Variants in GRK2 observed in about 807,000 individuals in gnomAD.
GRK2 encodes the protein adrenergic beta receptor kinase 1.
In GRK2, 23 loss-of-function variants were observed where a neutral mutation model predicts 97.8. The ratio of observed to expected loss-of-function variants is 0.24; its 90% CI spans 0.17 to 0.33. GRK2 has a LOEUF of 0.33. GRK2 is among the 10% of genes least tolerant of loss of function. The pLI is 1.00. For synonymous variants in GRK2, 425 were observed against 381.7 expected (o/e 1.11, Z -1.32); for missense variants, 633 against 956.9 (o/e 0.66, Z 4.47).
At chr11:67,280,164 C>T in intron 6 of GRK2, 1 of 537,316 alleles carries the variant, frequency 1.9e-6, no homozygotes, top group South Asian at 2.1e-5. Flanking sequence ...GCTGTGCCAC[C>T]TGTGCCTCTT....
intron 1 of GRK2, among the ~76,000 whole-genome samples, chr11:67,271,767 C>T (rs1016041004): frequency 6.6e-6 from 1 of 152,242 alleles, no homozygotes; most frequent in Admixed American, 6.5e-5. Context: ...TACCTTGGAC[C>T]TGCCGGTTTG....
chr11:67,269,613 A>G lies in GRK2; in HGVS notation c.113+2801A>G, dbSNP rs1238266698. Among the ~76,000 whole-genome samples, 1 of 152,108 alleles carries G rather than the reference A, an allele frequency of 6.6e-6. No homozygotes were observed. Among genetic ancestry groups the G allele is most frequent in the East Asian group, 1.9e-4 (1 of 5,192 alleles). ...AGAACTGAGCTGCCGTGGCAAAGCT[A>G]CTGCACCGAGGGGCAGCCCCACTCC... On this transcript the variant is annotated intron_variant, in intron 1 of 20. Coordinates refer to ENST00000308595, the MANE Select transcript of GRK2 (RefSeq NM_001619.5). The surrounding 1 kb of genome is among the most constrained non-coding windows in gnomAD (Gnocchi z 4.1).
At chr11:67,278,447 C>T (rs1860078731) in intron 2 of GRK2, among the ~76,000 whole-genome samples, 1 of 152,204 alleles carries the variant, frequency 6.6e-6, no homozygotes, top group Admixed American at 6.5e-5. Context: ...CCCACCTTGC[C>T]TCTCCAGTTC....
intron 1 of GRK2, among the ~76,000 whole-genome samples, chr11:67,275,465 C>T (rs1028932041): frequency 6.7e-6 from 1 of 150,110 alleles, no homozygotes; most frequent in African/African-American, 2.4e-5. Context: ...CCTGAGCCTT[C>T]TCCCACCCAC....
Position 67,269,112 on chromosome 11 carries a change from G to A in GRK2, c.113+2300G>A, listed in dbSNP as rs753474737. Among the ~76,000 whole-genome samples, 9 of 152,358 alleles carry A rather than the reference G, an allele frequency of 5.9e-5. No homozygotes were observed. The highest frequency in any genetic ancestry group is 1.2e-4 in the Non-Finnish European group (8 of 68,030). On this transcript the variant is annotated intron_variant, in intron 1 of 20. Coordinates refer to ENST00000308595, the MANE Select transcript of GRK2 (RefSeq NM_001619.5). The surrounding 1 kb of genome is among the most constrained non-coding windows in gnomAD (Gnocchi z 4.1). ...CCCCTACATGGGGGTCCAGGCCTGG[G>A]GCATTAGGGAGCAGGCCACCCTTTG...
intron 1 of GRK2, among the ~76,000 whole-genome samples, chr11:67,271,423 A>G (rs1041974207): frequency 2.6e-5 from 4 of 152,074 alleles, no homozygotes; most frequent in Admixed American, 6.5e-5. Context: ...GGTGGGGGCA[A>G]TTTTCTGACT....
At chr11:67,272,688 G>C (rs1270600758) in intron 1 of GRK2, among the ~76,000 whole-genome samples, 2 of 152,256 alleles carry the variant, frequency 1.3e-5, no homozygotes, top group Non-Finnish European at 2.9e-5. Flanking sequence ...GGGACTGACT[G>C]CTCCTTCCCA....
In GRK2 at chr11:67,281,196, G is replaced by C; in HGVS notation, c.647+12G>C. 6.2e-7 allele frequency: 1 copy of C among 1,608,748 alleles called. No homozygotes were observed. The highest frequency in any genetic ancestry group is 8.5e-7 in the Non-Finnish European group (1 of 1,176,944). On this transcript the variant is annotated intron_variant, in intron 8 of 20. Transcript: ENST00000308595. The surrounding 1 kb of genome is among the most constrained non-coding windows in gnomAD (Gnocchi z 5.7). Reference sequence around the variant, plus strand: ...GACACAGGCAAGATGTGAGCACCCTGCTCGGCGCGGTGGGATACCTCGGGG... The same window carrying C: ...GACACAGGCAAGATGTGAGCACCCTCCTCGGCGCGGTGGGATACCTCGGGG...
At chr11:67,273,076 G>A (rs1439345262) in intron 1 of GRK2, among the ~76,000 whole-genome samples, 1 of 152,240 alleles carries the variant, frequency 6.6e-6, no homozygotes, top group African/African-American at 2.4e-5. Context: ...TCCTTCTGCC[G>A]TGTCCACCCA....
At chr11:67,275,637 C>T (rs1860013763) in intron 1 of GRK2, among the ~76,000 whole-genome samples, 1 of 152,240 alleles carries the variant, frequency 6.6e-6, no homozygotes, top group Non-Finnish European at 1.5e-5. Context: ...CAAGGCCCTG[C>T]CCTCCGCCTC....
chr11:67,283,321 A>G (rs1278977269), intron 15 of GRK2, 93 bp downstream of exon 15: 1 of 1,167,582 alleles, frequency 8.6e-7, no homozygotes, highest in African/African-American at 1.5e-5. Flanking sequence ...CCAAGGTCCC[A>G]GCCTCCTTGG....
At position 67,285,174 on chromosome 11, in the gene GRK2, A is replaced by G. The variant is rs1208659582; in HGVS notation, c.1891A>G (p.Ile631Val). Residue 631 changes from isoleucine (I) to valine (V), a missense_variant, in exon 20 of 21, where the codon ATT becomes GTT. Transcript: ENST00000308595. ...LLKIRGGKQFILQCDSDPELV... is the reference protein window; with the variant it reads ...LLKIRGGKQFVLQCDSDPELV... The stretch of plus-strand genomic sequence containing the variant: ...CAAGATCCGCGGTGGGAAACAGTTC[A>G]TTTTGCAGTGCGATGTGAGTGGGGG... 2 of 1,613,512 alleles carry G rather than the reference A, an allele frequency of 1.2e-6. No individual in the cohort carries two copies. The highest frequency in any genetic ancestry group is 1.7e-6 in the Non-Finnish European group (2 of 1,179,952).
rs1424650838 is a variant in GRK2, at chr11:67,285,626, G to GC, written c.*178dup. 4 of 780,520 alleles carry GC rather than the reference G, an allele frequency of 5.1e-6. No individual in the cohort carries two copies. In the African/African-American group the frequency reaches 7.1e-5, roughly 14 times the overall value. The allele number at this position is 780,520 out of a possible 1,614,324, so 48.3% of individuals were successfully genotyped here. A position where few individuals can be genotyped will look rare whatever the true frequency, so the allele number is the denominator to read the frequency against. Reference sequence around the variant, plus strand: ...CCTCGGCTCCTGCTGCACCAACCCAGCCGCTGCCCGGCGCCCTCTGTCCTG... The same window carrying GC: ...CCTCGGCTCCTGCTGCACCAACCCAGCCCGCTGCCCGGCGCCCTCTGTCCTG... On this transcript the variant is annotated 3_prime_UTR_variant, in exon 21 of 21. Transcript: ENST00000308595.
At chr11:67,277,229 G>A (rs776419653) in intron 1 of GRK2, 43 bp from the exon 2 acceptor site, 12 of 1,589,306 alleles carry the variant, frequency 7.6e-6, no homozygotes, top group South Asian at 2.2e-5. Context: ...CAGCCCCCAC[G>A]GGCTCTGGGG....
intron 1 of GRK2, among the ~76,000 whole-genome samples, chr11:67,274,258 G>A (rs1254573882): frequency 2.0e-5 from 3 of 151,732 alleles, no homozygotes; most frequent in Non-Finnish European, 2.9e-5. Flanking sequence ...TGATTCGCCC[G>A]CCTCGGCCTC....
chr11:67,284,448 C>T, intron 18 of GRK2, 75 bp downstream of exon 18: 1 of 1,524,460 alleles, frequency 6.6e-7, no homozygotes, highest in Non-Finnish European at 8.9e-7. Context: ...GTTTAAGGAA[C>T]TCACCCTGGA....
rs1321308618 is a variant in GRK2, at chr11:67,276,734, A to ATCTGCGT, written c.114-533_114-527dup. ...TCTCTCCAGCCCCCGGCAGCCACGG[A>ATCTGCGT]TCTGCGTTCTGTGTCCGTGGATCTG... On this transcript the variant is annotated intron_variant, in intron 1 of 20. Coordinates refer to ENST00000308595, the MANE Select transcript of GRK2 (RefSeq NM_001619.5). The surrounding 1 kb of genome is among the most constrained non-coding windows in gnomAD (Gnocchi z 4.2). 1 of 152,218 alleles carries ATCTGCGT rather than the reference A, an allele frequency of 6.6e-6. No individual in the cohort carries two copies. The highest frequency in any genetic ancestry group is 2.4e-5 in the African/African-American group (1 of 41,374). The allele number at this position is 152,218 out of a possible 1,614,324, so 9.4% of individuals were successfully genotyped here.
intron 6 of GRK2, 180 bp from the exon 7 acceptor site, chr11:67,280,552 G>C: frequency 1.4e-6 from 1 of 711,524 alleles, no homozygotes; most frequent in Non-Finnish European, 2.4e-6. Context: ...AGCCCTGACT[G>C]GTGCTGTGGG....
rs1860167526 is a variant in GRK2 at position 67,282,192 on chromosome 11, G to T, written c.958-79G>T. 1.4e-6 allele frequency: 2 copies of T among 1,420,142 alleles called. No individual in the cohort carries two copies. The highest frequency in any genetic ancestry group is 3.6e-5 in the Admixed American group (2 of 55,924). The allele number at this position is 1,420,142 out of a possible 1,614,324, so 88.0% of individuals were successfully genotyped here. A position where few individuals can be genotyped will look rare whatever the true frequency, so the allele number is the denominator to read the frequency against. On this transcript the variant is annotated intron_variant, in intron 11 of 20. Coordinates refer to ENST00000308595, the MANE Select transcript of GRK2 (RefSeq NM_001619.5). This position sits in a 1 kb window ranked among gnomAD's most constrained non-coding sequence, Gnocchi z 6.9. ...GGTACCCATCGTCCTCTCCAGTGAA[G>T]CAGTGACCCAGCTGGCATCTTGCCT...
Sources: gnomAD v4.1 joint callset for allele counts (sites outside exome capture counted in the v4.1 genomes callset) on GRCh38, gnomAD v4.1.1 for gene constraint, Gnocchi (gnomAD v3.1) non-coding constraint, MANE v1.5 for transcripts, NCBI Gene and HGNC (gene_info 2026-07-23, HGNC 2026-07-21) for gene names.